UIMC1: variants seen among roughly 807,000 people sequenced by gnomAD.
UIMC1 encodes BRCA1-A complex subunit RAP80.
Under a neutral mutation model 84.9 loss-of-function variants are expected in UIMC1, and 42 were observed. The ratio of observed to expected loss-of-function variants is 0.49; its 90% confidence interval spans 0.39 to 0.64. The LOEUF (loss-of-function observed/expected upper bound fraction) is 0.64. UIMC1 is among the 30% of genes least tolerant of loss of function. UIMC1 has a pLI of 0.00. For synonymous variants in UIMC1, 281 were observed against 293.0 expected, an observed-to-expected ratio of 0.96 and a Z score of 0.42; for missense variants, 825 against 847.6, an observed-to-expected ratio of 0.97 and a Z score of 0.33.
chr5:176,940,173 G>A (rs1276347303), intron 10 of UIMC1, among the ~76,000 whole-genome samples: 2 of 152,196 alleles, frequency 1.3e-5, no homozygotes, highest in Admixed American at 6.5e-5. Flanking sequence ...CAACCACAAG[G>A]ATTTGGGGAT....
rs575757047 is a variant in UIMC1, at chr5:176,956,124, C to T, written c.1263-89G>A. The stretch of plus-strand genomic sequence containing the variant: ...CAATGGTGAGTCACTCACAAAGCCA[C>T]AGGTAATCACAGATACTTGCTGCCT... On this transcript the variant is annotated intron_variant, in intron 7 of 14. Transcript: ENST00000511320. The T allele has an allele frequency of 2.3e-3, 2,741 of 1,212,920 alleles. 4 individuals carry two copies. Among genetic ancestry groups the T allele is most frequent in the Non-Finnish European group, 3.0e-3 (2,556 of 841,444 alleles). 75.1% of individuals were successfully genotyped at this position (1,212,920 alleles called of 1,614,324 possible). A position where few individuals can be genotyped will look rare whatever the true frequency, so the allele number is the denominator to read the frequency against.
chr5:176,905,530 C>T (rs778651148), intron 14 of UIMC1, 38 bp from the exon 15 acceptor site: 1 of 1,587,810 alleles, frequency 6.3e-7, no homozygotes, highest in Non-Finnish European at 8.6e-7. Flanking sequence ...CAATATACAC[C>T]TACTAAGCAT....
At chr5:176,966,784 T>A (rs1349696602) in intron 6 of UIMC1, among the ~76,000 whole-genome samples, 2 of 152,064 alleles carry the variant, frequency 1.3e-5, no homozygotes, top group Admixed American at 6.6e-5. Flanking sequence ...AAAAAATAAC[T>A]CGGAAACTAT....
chr5:176,992,199 A>C (rs1472875159), intron 1 of UIMC1, among the ~76,000 whole-genome samples: 1 of 152,166 alleles, frequency 6.6e-6, no homozygotes, highest in African/African-American at 2.4e-5. Context: ...GCCCTTAAAG[A>C]ATCTATAGAT....
At chr5:176,953,245 C>A (rs1001917527) in intron 8 of UIMC1, among the ~76,000 whole-genome samples, 3 of 152,080 alleles carry the variant, frequency 2.0e-5, no homozygotes, top group African/African-American at 7.2e-5. Context: ...CATTTTGTTA[C>A]AGGAACCCAA....
intron 1 of UIMC1, 71 bp from the exon 2 acceptor site, chr5:176,982,694 G>A: frequency 6.7e-7 from 1 of 1,489,238 alleles, no homozygotes; most frequent in Non-Finnish European, 9.0e-7. Flanking sequence ...AAGTTTTCTA[G>A]AAGCTATTCA....
chr5:177,008,856 GCT>G (rs1286896499), upstream of UIMC1, among the ~76,000 whole-genome samples: 2 of 152,052 alleles, frequency 1.3e-5, no homozygotes, highest in East Asian at 3.8e-4. Context: ...TTCTCAATTT[GCT>G]CACTCAGGCC....
chr5:176,951,357 C>A, intron 9 of UIMC1, 117 bp downstream of exon 9: 1 of 689,570 alleles, frequency 1.5e-6, no homozygotes. Flanking sequence ...CATAAGGGCC[C>A]CCAAAACTAA....
chr5:176,972,194 A>G (rs1224584496), intron 3 of UIMC1, among the ~76,000 whole-genome samples: 2 of 150,754 alleles, frequency 1.3e-5, no homozygotes, highest in African/African-American at 4.9e-5. Flanking sequence ...AGATCAGGAG[A>G]TCGAGACCAT....
In UIMC1 at chr5:176,953,691, G is replaced by A. The variant is rs527841117; in HGVS notation, c.1340-2114C>T. Among the ~76,000 whole-genome samples the A allele has an allele frequency of 4.3e-3, 658 of 152,208 alleles. 3 individuals are homozygous for A. The highest frequency in any genetic ancestry group is 0.022 in the South Asian group (104 of 4,822). On this transcript the variant is annotated intron_variant, in intron 8 of 14. Transcript: ENST00000511320. ...TCTTCAATTATGCTTTCTGTGAATG[G>A]CTGAAATGTCCAACTAAGAGGGCAT... is the stretch of plus-strand genomic sequence containing the variant.
At chr5:176,932,081 C>T (rs539974201) in intron 10 of UIMC1, among the ~76,000 whole-genome samples, 10 of 152,236 alleles carry the variant, frequency 6.6e-5, no homozygotes, top group African/African-American at 1.2e-4. Flanking sequence ...TGCAGTGTAA[C>T]GTAAGTCTGG....
intron 12 of UIMC1, among the ~76,000 whole-genome samples, chr5:176,907,705 A>G (rs1279028898): frequency 6.6e-6 from 1 of 152,226 alleles, no homozygotes; most frequent in East Asian, 1.9e-4. Context: ...CCCAGTGACC[A>G]GGGCCCAGAC....
chr5:177,004,505 C>G (rs1306363571), intron 1 of UIMC1, among the ~76,000 whole-genome samples: 3 of 152,112 alleles, frequency 2.0e-5, no homozygotes, highest in Non-Finnish European at 4.4e-5. Context: ...TCTATCTTCA[C>G]TTATTGAACT....
Position 176,969,291 on chromosome 5 carries a change from C to T in UIMC1, c.464G>A (p.Gly155Asp). The change falls in exon 6 of 15, where the codon GGC becomes GAC. Residue 155 changes from glycine to aspartate, a missense_variant and splice_region_variant. Gly to Asp is a moderately conservative substitution (Grantham distance 94). Coordinates refer to ENST00000511320, the MANE Select transcript of UIMC1 (RefSeq NM_001199298.2). ...TGATGGAGGTACCAGCTGCCATATG[C>T]CTGTAGGTATTTGAGAAAAAGTAGG... is the stretch of plus-strand genomic sequence containing the variant. The part of the protein sequence containing the change: ...EKTTDSGLTE[G>D]IWQLVPPSLF... 6.3e-7 allele frequency: 1 copy of T among 1,597,200 alleles called. No homozygotes were observed. Among genetic ancestry groups the T allele is most frequent in the Admixed American group, 1.8e-5 (1 of 55,694 alleles).
At chr5:176,963,897 T>G (rs1767909475) in intron 6 of UIMC1, among the ~76,000 whole-genome samples, 1 of 152,116 alleles carries the variant, frequency 6.6e-6, no homozygotes, top group South Asian at 2.1e-4. Context: ...AGTATCAGAT[T>G]CTGAAAAGTA....
chr5:176,958,064 A>G, intron 7 of UIMC1, 29 bp downstream of exon 7: 5 of 1,610,616 alleles, frequency 3.1e-6, no homozygotes, highest in Non-Finnish European at 4.2e-6. Flanking sequence ...CCATCAGAGG[A>G]GAATGCATAG....
Position 177,017,969 on chromosome 5 carries a change from A to G in UIMC1, c.-9+4495T>C, listed in dbSNP as rs74882885. On this transcript the variant is annotated intron_variant, in intron 1 of 5. Coordinates refer to the UIMC1 transcript ENST00000509236. ...GCCCAGCCTAGTCATTATCTCTGTT[A>G]TAGCAGTTAAAACATACTCTCTGAT... is the stretch of plus-strand genomic sequence containing the variant. Among the ~76,000 whole-genome samples the G allele has an allele frequency of 3.2e-3, 480 of 152,074 alleles. 14 individuals carry two copies. In the East Asian group the frequency reaches 0.043, roughly 13 times the overall value.
At chr5:176,924,697 T>C (rs1762160128) in intron 10 of UIMC1, among the ~76,000 whole-genome samples, 2 of 151,496 alleles carry the variant, frequency 1.3e-5, no homozygotes, top group African/African-American at 2.4e-5. Context: ...AAGGAAAAAA[T>C]TGAAAATTAG....
chr5:176,938,813 GGGTACACAAT>G (rs1181357646), intron 10 of UIMC1, among the ~76,000 whole-genome samples: 3 of 152,106 alleles, frequency 2.0e-5, no homozygotes, highest in Non-Finnish European at 4.4e-5. Flanking sequence ...ACATTTACTT[GGGTACACAAT>G]TATTCACTTG....
Sources: allele counts gnomAD v4.1 joint callset (sites outside exome capture counted in the v4.1 genomes callset), GRCh38; gene constraint gnomAD v4.1.1; transcripts MANE v1.5; gene names NCBI Gene and HGNC (gene_info 2026-07-23, HGNC 2026-07-21).